Variants in TNFRSF8 observed in about 807,000 individuals in gnomAD.
TNFRSF8 encodes the protein TNF receptor superfamily member 8, also known as tumor necrosis factor receptor superfamily member 8.
In TNFRSF8, 26 loss-of-function variants were observed where a neutral mutation model predicts 70.8. The observed-to-expected ratio is 0.37, with a 90% CI of 0.27 to 0.51. The LOEUF is 0.51. Ranked by LOEUF, TNFRSF8 falls within the 20% of genes least tolerant of loss-of-function variation. TNFRSF8 has a pLI of 0.94. For missense variants in TNFRSF8, 720 were observed against 807.9 expected (o/e 0.89, Z 1.32); for synonymous variants, 356 against 339.2 (o/e 1.05, Z -0.54).
At position 12,123,388 on chromosome 1, in the gene TNFRSF8, C is replaced by A. The variant is rs370515688; in HGVS notation, c.1040+11C>A. ...CGAGGCGCCTGCCAGGTGACTCCCC[C>A]ACCCCTTCTCTCTGTTTGGCTGCTG... On this transcript the variant is annotated intron_variant, in intron 9 of 14. Coordinates refer to ENST00000263932, the MANE Select transcript of TNFRSF8 (RefSeq NM_001243.5). 5 of 1,597,650 alleles carry A rather than the reference C, an allele frequency of 3.1e-6. No homozygotes were observed. The highest frequency in any genetic ancestry group is 1.3e-5 in the African/African-American group (1 of 74,594).
rs751252054 is a variant in TNFRSF8 at position 12,138,399 on chromosome 1, G to T, written c.1506G>T (p.Glu502Asp). The change falls in exon 14 of 15, where the codon GAG (glutamate) becomes GAT (aspartate). Residue 502 changes from glutamate (E) to aspartate (D), a missense_variant. Transcript: ENST00000263932. This position sits in a 1 kb window ranked among gnomAD's most constrained non-coding sequence, Gnocchi z 5.7. ...CCTCGTCCCCCAGGGACCTTCCTGA[G>T]CCCCGGGTGTCCACGGAGCACACCA... ...GGPSSPRDLP[E>D]PRVSTEHTNN... 1.2e-6 allele frequency: 2 copies of T among 1,613,442 alleles called. No individual in the cohort carries two copies. The highest frequency in any genetic ancestry group is 2.7e-5 in the African/African-American group (2 of 74,924).
At chr1:12,137,002 CA>C (rs1028296961) in intron 13 of TNFRSF8, among the ~76,000 whole-genome samples, 3 of 149,694 alleles carry the variant, frequency 2.0e-5, no homozygotes, top group African/African-American at 7.4e-5. Context: ...AACATGTGAA[CA>C]AAGGTCTCTG....
chr1:12,117,594 C>T (rs1369345544), intron 8 of TNFRSF8, among the ~76,000 whole-genome samples: 5 of 152,172 alleles, frequency 3.3e-5, no homozygotes, highest in Non-Finnish European at 5.9e-5. Context: ...GGCCAACTTC[C>T]TACTCAGGGA....
At chr1:12,087,804 C>T (rs1362607650) in intron 2 of TNFRSF8, among the ~76,000 whole-genome samples, 1 of 152,112 alleles carries the variant, frequency 6.6e-6, no homozygotes, top group Non-Finnish European at 1.5e-5. Flanking sequence ...ATCTCAGGTC[C>T]CAGGCTCCCT....
chr1:12,114,868 A>C (rs1350981751), intron 7 of TNFRSF8, among the ~76,000 whole-genome samples: 1 of 151,690 alleles, frequency 6.6e-6, no homozygotes, highest in Non-Finnish European at 1.5e-5. Flanking sequence ...GCCACCAGGC[A>C]TGGCTAATTT....
At chr1:12,139,671 T>A (rs1642218563) in intron 14 of TNFRSF8, among the ~76,000 whole-genome samples, 1 of 152,272 alleles carries the variant, frequency 6.6e-6, no homozygotes, top group Non-Finnish European at 1.5e-5. Context: ...AAGAGTCATT[T>A]GTAATTGTCC....
intron 13 of TNFRSF8, among the ~76,000 whole-genome samples, chr1:12,137,157 T>C (rs929202696): frequency 3.3e-5 from 5 of 152,200 alleles, no homozygotes; most frequent in Middle Eastern, 3.2e-3. Flanking sequence ...TTTATTTTTC[T>C]AGCTCAGCAG....
intron 2 of TNFRSF8, among the ~76,000 whole-genome samples, chr1:12,092,044 T>C (rs1641256190): frequency 6.6e-6 from 1 of 152,206 alleles, no homozygotes; most frequent in African/African-American, 2.4e-5. Context: ...GGACTGGTAC[T>C]GGTCCCCGGC....
Position 12,109,525 on chromosome 1 carries a change from C to T in TNFRSF8, c.422-41C>T, listed in dbSNP as rs1356236079. On this transcript the variant is annotated intron_variant, in intron 4 of 14. Transcript: ENST00000263932. The surrounding 1 kb of genome is among the most constrained non-coding windows in gnomAD (Gnocchi z 4.4). ...GGGTGTATTCCGGGAGACTTTGGGT[C>T]CCCAACACTGATTCTGAAGGCACTG... The T allele has an allele frequency of 5.8e-6, 9 of 1,558,200 alleles. No individual in the cohort carries two copies. Among genetic ancestry groups the T allele is most frequent in the East Asian group, 2.2e-5 (1 of 44,528 alleles).
At chr1:12,066,527 T>C (rs2100937905) in intron 1 of TNFRSF8, among the ~76,000 whole-genome samples, 1 of 152,182 alleles carries the variant, frequency 6.6e-6, no homozygotes, top group Middle Eastern at 3.4e-3. Context: ...CTAATTTTTG[T>C]ATTTTAGTAG....
At chr1:12,104,338 T>G (rs1641478950) in intron 3 of TNFRSF8, 41 bp from the exon 4 acceptor site, 1 of 1,612,878 alleles carries the variant, frequency 6.2e-7, no homozygotes, top group Non-Finnish European at 8.5e-7. Flanking sequence ...AGAGACGCCT[T>G]CCTTCTGTTC....
In TNFRSF8 at chr1:12,110,790, A is replaced by G. The variant is rs531114344; in HGVS notation, c.676+586A>G. Among the ~76,000 whole-genome samples the G allele has an allele frequency of 3.3e-5, 5 of 151,814 alleles. No homozygotes were observed. The highest frequency in any genetic ancestry group is 2.1e-4 in the South Asian group (1 of 4,794). ...ACTTTGTATTTTTAGTAGAGATGGG[A>G]TTTCACCATGTTGGTCAGGCTGGTC... On this transcript the variant is annotated intron_variant, in intron 6 of 14. Coordinates refer to ENST00000263932, the MANE Select transcript of TNFRSF8 (RefSeq NM_001243.5). The surrounding 1 kb of genome is among the most constrained non-coding windows in gnomAD (Gnocchi z 4.0).
chr1:12,105,114 A>C (rs1641497245), intron 4 of TNFRSF8, among the ~76,000 whole-genome samples: 1 of 152,190 alleles, frequency 6.6e-6, no homozygotes, highest in African/African-American at 2.4e-5. Context: ...ACCATCTTCC[A>C]GAAGGGAGGC....
chr1:12,109,475 T>G lies in TNFRSF8; in HGVS notation c.422-91T>G. 1 of 1,067,282 alleles carries G rather than the reference T, an allele frequency of 9.4e-7. No individual in the cohort carries two copies. Among genetic ancestry groups the G allele is most frequent in the Non-Finnish European group, 1.4e-6 (1 of 724,010 alleles). 66.1% of individuals were successfully genotyped at this position (1,067,282 alleles called of 1,614,324 possible). ...TGCTGTGTTTTCCAAGGGCCCCATC[T>G]CCGACTCTGGCCTGTGGTAGTGAAG... On this transcript the variant is annotated intron_variant, in intron 4 of 14. Coordinates refer to ENST00000263932, the MANE Select transcript of TNFRSF8 (RefSeq NM_001243.5). This position sits in a 1 kb window ranked among gnomAD's most constrained non-coding sequence, Gnocchi z 4.4.
intron 2 of TNFRSF8, among the ~76,000 whole-genome samples, chr1:12,084,913 G>A (rs978142976): frequency 2.0e-5 from 3 of 152,120 alleles, no homozygotes; most frequent in African/African-American, 7.2e-5. Context: ...TTGCAGATGA[G>A]GCTACTGGGG....
chr1:12,123,394 T>C lies in TNFRSF8; in HGVS notation c.1040+17T>C, dbSNP rs755121584. 12 of 1,591,242 alleles carry C rather than the reference T, an allele frequency of 7.5e-6. No homozygotes were observed. In the African/African-American group the frequency reaches 1.5e-4, roughly 20 times the overall value. ...GCCTGCCAGGTGACTCCCCCACCCC[T>C]TCTCTCTGTTTGGCTGCTGCAGGAG... On this transcript the variant is annotated intron_variant, in intron 9 of 14. Coordinates refer to ENST00000263932, the MANE Select transcript of TNFRSF8 (RefSeq NM_001243.5).
chr1:12,141,930 T>C lies in TNFRSF8; in HGVS notation c.1544-357T>C, dbSNP rs1642260806. The stretch of plus-strand genomic sequence containing the variant: ...GACCCAGGAGTGGGGGTGTGGAAAC[T>C]GCTCAGCTCTGCTGTTTCTGCTCGT... On this transcript the variant is annotated intron_variant, in intron 14 of 14. Transcript: ENST00000263932. This position sits in a 1 kb window ranked among gnomAD's most constrained non-coding sequence, Gnocchi z 5.4. Among the ~76,000 whole-genome samples the C allele has an allele frequency of 6.6e-6, 1 of 152,172 alleles. No homozygotes were observed. The highest frequency in any genetic ancestry group is 1.9e-4 in the East Asian group (1 of 5,184).
At chr1:12,096,054 C>T (rs999054567) in intron 2 of TNFRSF8, among the ~76,000 whole-genome samples, 1 of 152,236 alleles carries the variant, frequency 6.6e-6, no homozygotes, top group Non-Finnish European at 1.5e-5. Flanking sequence ...TTTTGTGAAA[C>T]TCTCAGAGAT....
chr1:12,086,490 A>G (rs1397380116), intron 2 of TNFRSF8, among the ~76,000 whole-genome samples: 2 of 14,446 alleles, frequency 1.4e-4, no homozygotes, highest in Admixed American at 4.5e-4. Context: ...CCACCCACCC[A>G]TCCAAGTACC....
Sources: gnomAD v4.1 joint callset for allele counts (sites outside exome capture counted in the v4.1 genomes callset) on GRCh38, gnomAD v4.1.1 for gene constraint, Gnocchi (gnomAD v3.1) non-coding constraint, MANE v1.5 for transcripts, NCBI Gene and HGNC (gene_info 2026-07-23, HGNC 2026-07-21) for gene names.